DNAJC21: variants seen among roughly 807,000 people sequenced by gnomAD.
DNAJC21 encodes the protein DnaJ heat shock protein family (Hsp40) member C21, also known as dnaJ homolog subfamily C member 21.
In DNAJC21, 63 loss-of-function variants were observed where a neutral mutation model predicts 72.4. That is an observed-to-expected ratio of 0.87 (90% CI 0.71 to 1.07). The LOEUF is 1.07. Among genes scored for constraint, DNAJC21 ranks in the 50% least tolerant of loss-of-function variants. DNAJC21 has a pLI of 0.00. For missense variants in DNAJC21, 634 were observed against 644.8 expected, an observed-to-expected ratio of 0.98 and a Z score of 0.18; for synonymous variants, 203 against 216.7, an observed-to-expected ratio of 0.94 and a Z score of 0.56.
In DNAJC21 at chr5:34,954,933, G is replaced by T; in HGVS notation, c.*219G>T. 2.3e-6 allele frequency: 1 copy of T among 436,764 alleles called. No individual in the cohort carries two copies. The allele number at this position is 436,764 out of a possible 1,614,324, so 27.1% of individuals were successfully genotyped here. A position where few individuals can be genotyped will look rare whatever the true frequency, so the allele number is the denominator to read the frequency against. On this transcript the variant is annotated 3_prime_UTR_variant, in exon 12 of 12. Coordinates refer to ENST00000648817, the MANE Select transcript of DNAJC21 (RefSeq NM_001012339.3). ...TTTTGCCATCTGAATTGACTTGAAT[G>T]TCTTAAAACAGGTAAATACTGTAAA...
chr5:34,953,104 C>T (rs971731011), intron 10 of DNAJC21, among the ~76,000 whole-genome samples: 2 of 151,672 alleles, frequency 1.3e-5, no homozygotes, highest in Non-Finnish European at 2.9e-5. Flanking sequence ...GAGCCAAGAT[C>T]GCGCCACTGC....
chr5:34,951,500 T>A, intron 10 of DNAJC21: 1 of 984,804 alleles, frequency 1.0e-6, no homozygotes, highest in Non-Finnish European at 1.2e-6. Flanking sequence ...CTTTTTCATC[T>A]AAAACTAAAA....
intron 10 of DNAJC21, chr5:34,952,014 A>G (rs1765384858): frequency 5.1e-6 from 5 of 985,354 alleles, no homozygotes; most frequent in Non-Finnish European, 6.0e-6. Context: ...CCCTCCCCAC[A>G]CCACTCTGCT....
rs1011517135 is a variant in DNAJC21, at chr5:34,929,854, G to A, written c.35G>A (p.Arg12His). ...KCHYEALGVR[R>H]DASEEELKKA... ...CACTATGAGGCGCTGGGGGTGCGGC[G>A]CGACGCCAGCGAGGAGGAGCTCAAG... Residue 12 changes from arginine (R) to histidine (H), a missense_variant, in exon 1 of 12, where the codon CGC becomes CAC. Physicochemically the swap from Arg to His is conservative, Grantham distance 29 (BLOSUM62 0). Transcript: ENST00000648817. 5.7e-6 allele frequency: 9 copies of A among 1,578,476 alleles called. No individual in the cohort carries two copies. Among genetic ancestry groups the A allele is most frequent in the Middle Eastern group, 1.7e-4 (1 of 5,742 alleles).
intron 9 of DNAJC21, chr5:34,949,645 A>C: frequency 6.2e-7 from 1 of 1,613,224 alleles, no homozygotes; most frequent in Non-Finnish European, 8.5e-7. Context: ...GAGCGAGCAC[A>C]AATGTGCCAA....
chr5:34,937,623 C>T lies in DNAJC21; in HGVS notation c.736C>T (p.Gln246Ter). The T allele has an allele frequency of 6.2e-7, 1 of 1,612,014 alleles. No individual in the cohort carries two copies. The highest frequency in any genetic ancestry group is 8.5e-7 in the Non-Finnish European group (1 of 1,178,860). Residue 246 changes from glutamine (Q) to a stop codon, truncating the protein, a stop_gained, in exon 5 of 12, where the codon CAG (glutamine) becomes TAG (stop). Transcript: ENST00000648817. LOFTEE classifies it high-confidence loss of function. ...EEMRRQQKLK[Q>*]AKLVEQYREQ... ...GATGAGGCGGCAGCAGAAGCTAAAG[C>T]AGGCCAAGTGCGTAGCGTGCGTGGG...
rs781370437 is a variant in DNAJC21, at chr5:34,933,873, A to G, written c.156A>G (p.Ala52=). The G allele has an allele frequency of 5.0e-6, 8 of 1,613,898 alleles. No individual in the cohort carries two copies. In the African/African-American group the frequency reaches 1.1e-4, roughly 22 times the overall value. The change falls in exon 2 of 12, where the codon GCA becomes GCG. Residue 52 remains alanine, a synonymous_variant. Transcript: ENST00000648817. ...AACAATTTAAATTAATCCAAGCAGC[A>G]TATGATGTGTTGAGTGACCCTCAGG... ...AAEQFKLIQA[A]YDVLSDPQER...
At chr5:34,935,311 T>G in intron 2 of DNAJC21, among the ~76,000 whole-genome samples, 1 of 152,210 alleles carries the variant, frequency 6.6e-6, no homozygotes, top group Non-Finnish European at 1.5e-5. Flanking sequence ...TGACATAAAT[T>G]TAGGAAGATT....
At chr5:34,932,156 C>G (rs1481322698) in intron 1 of DNAJC21, among the ~76,000 whole-genome samples, 2 of 152,146 alleles carry the variant, frequency 1.3e-5, no homozygotes, top group Non-Finnish European at 2.9e-5. Context: ...TGCGGTGACT[C>G]ACACCTGTAA....
chr5:34,933,867 A>T lies in DNAJC21; in HGVS notation c.150A>T (p.Gln50His), dbSNP rs1580523089. Residue 50 changes from glutamine to histidine, a missense_variant, in exon 2 of 12, where the codon CAA becomes CAT. Physicochemically the swap from Gln to His is conservative, Grantham distance 24. Transcript: ENST00000648817. ...AEAAEQFKLIQAAYDVLSDPQ... is the reference protein window; with the variant it reads ...AEAAEQFKLIHAAYDVLSDPQ... Reference sequence around the variant, plus strand: ...CAGCTGAACAATTTAAATTAATCCAAGCAGCATATGATGTGTTGAGTGACC... The same window carrying T: ...CAGCTGAACAATTTAAATTAATCCATGCAGCATATGATGTGTTGAGTGACC... The T allele has an allele frequency of 6.2e-7, 1 of 1,614,064 alleles. No homozygotes were observed. The highest frequency in any genetic ancestry group is 8.5e-7 in the Non-Finnish European group (1 of 1,179,970).
rs149499554 is a variant in DNAJC21 at position 34,949,597 on chromosome 5, G to T, written c.1186-573G>T. The stretch of plus-strand genomic sequence containing the variant: ...TGCAGCTCACTTTCAGATGGCTTGG[G>T]GAAAAAAGTGTGTGTTGGGAGAGAG... On this transcript the variant is annotated intron_variant, in intron 9 of 11. Coordinates refer to ENST00000648817, the MANE Select transcript of DNAJC21 (RefSeq NM_001012339.3). 229 of 1,587,206 alleles carry T rather than the reference G, an allele frequency of 1.4e-4. No homozygotes were observed. Among genetic ancestry groups the T allele is most frequent in the Non-Finnish European group, 1.7e-5 (20 of 1,163,572 alleles).
At chr5:34,940,047 A>G (rs1164397182) in intron 6 of DNAJC21, among the ~76,000 whole-genome samples, 3 of 152,338 alleles carry the variant, frequency 2.0e-5, no homozygotes, top group East Asian at 1.9e-4. Flanking sequence ...TTTACAATTT[A>G]TAAAGTCCTT....
At chr5:34,951,028 G>C in intron 10 of DNAJC21, 2 of 985,504 alleles carry the variant, frequency 2.0e-6, no homozygotes, top group Non-Finnish European at 2.4e-6. Context: ...AAGTGAGAGA[G>C]CAAAGTGGGA....
At chr5:34,954,432 C>A in intron 11 of DNAJC21, 121 bp from the exon 12 acceptor site, 1 of 1,196,178 alleles carries the variant, frequency 8.4e-7, no homozygotes. Context: ...TATTACCTGT[C>A]CACTCTGTTA....
At chr5:34,930,913 A>G (rs1764567797) in intron 1 of DNAJC21, among the ~76,000 whole-genome samples, 1 of 152,232 alleles carries the variant, frequency 6.6e-6, no homozygotes, top group Non-Finnish European at 1.5e-5. Context: ...TAATGGAACA[A>G]CTAATATATG....
At chr5:34,950,448 T>G in intron 10 of DNAJC21, 106 bp downstream of exon 10, 3 of 1,462,258 alleles carry the variant, frequency 2.1e-6, no homozygotes, top group Non-Finnish European at 9.0e-7. Context: ...GACCAGGTAA[T>G]TTAGATGTAT....
intron 10 of DNAJC21, chr5:34,951,956 T>C (rs1258711217): frequency 1.0e-6 from 1 of 985,382 alleles, no homozygotes; most frequent in Non-Finnish European, 1.2e-6. Flanking sequence ...AGTGACTTCT[T>C]CACAGCTGCA....
rs1019682634 is a variant in DNAJC21 at position 34,957,862 on chromosome 5, G to A, written c.*3148G>A. 6.6e-6 allele frequency: 1 copy of A among 152,132 alleles called. No individual in the cohort carries two copies. The highest frequency in any genetic ancestry group is 1.9e-4 in the East Asian group (1 of 5,204). 9.4% of individuals were successfully genotyped at this position (152,132 alleles called of 1,614,324 possible). ...ATTCCTAAACATTACCATTTATGTG[G>A]CAGAAGTTCTGTTCCCTATAATCTG... On this transcript the variant is annotated 3_prime_UTR_variant, in exon 12 of 12. Coordinates refer to ENST00000648817, the MANE Select transcript of DNAJC21 (RefSeq NM_001012339.3).
chr5:34,945,149 C>T, intron 8 of DNAJC21, 124 bp downstream of exon 8: 1 of 1,138,110 alleles, frequency 8.8e-7, no homozygotes, highest in African/African-American at 1.6e-5. Flanking sequence ...GCAGTCTCAG[C>T]TCACTGCAAC....
Sources: gnomAD v4.1 joint callset for allele counts (sites outside exome capture counted in the v4.1 genomes callset) on GRCh38, gnomAD v4.1.1 for gene constraint, MANE v1.5 for transcripts, NCBI Gene and HGNC (gene_info 2026-07-23, HGNC 2026-07-21) for gene names.